Variants in NBAS observed in about 807,000 individuals in gnomAD.
The protein encoded by NBAS is NAG/BC035112 fusion.
In NBAS, 219 loss-of-function variants were observed where a neutral mutation model predicts 302.5. That is an observed-to-expected ratio of 0.72 (90% CI 0.65 to 0.81). The LOEUF is 0.81. Among genes scored for constraint, NBAS ranks in the 30% least tolerant of loss-of-function variants. NBAS has a pLI of 0.00. For synonymous variants in NBAS, 1,118 were observed against 1,021.6 expected (o/e 1.09, Z -1.80); for missense variants, 2,932 against 2,841.6 (o/e 1.03, Z -0.72).
chr2:14,920,903 CT>C, the NBAS span, among the ~76,000 whole-genome samples: 325 of 144,508 alleles, frequency 2.2e-3, no homozygotes, highest in Middle Eastern at 7.4e-3. Context: ...GGCTGTTTCA[CT>C]TTTTTTTTTT....
chr2:15,495,850 G>T (rs959007695), intron 11 of NBAS, among the ~76,000 whole-genome samples: 2 of 152,122 alleles, frequency 1.3e-5, no homozygotes, highest in African/African-American at 4.8e-5. Context: ...ACAGAAAATG[G>T]TGCCGCCACC....
At chr2:14,868,720 T>G in the NBAS span, among the ~76,000 whole-genome samples, 1 of 152,242 alleles carries the variant, frequency 6.6e-6, no homozygotes, top group African/African-American at 2.4e-5. Context: ...TAGACTGTCT[T>G]GTGTAATCAA....
chr2:15,083,105 A>G, the NBAS span, among the ~76,000 whole-genome samples: 1 of 152,206 alleles, frequency 6.6e-6, no homozygotes, highest in Non-Finnish European at 1.5e-5. Flanking sequence ...GGATGGAGCA[A>G]AAGTGTGGGA....
At chr2:14,965,340 A>G in the NBAS span, among the ~76,000 whole-genome samples, 2 of 152,194 alleles carry the variant, frequency 1.3e-5, no homozygotes, top group Non-Finnish European at 2.9e-5. Context: ...ACAAATATTA[A>G]GAATTATTAT....
chr2:14,989,683 G>A, the NBAS span, among the ~76,000 whole-genome samples: 1 of 152,158 alleles, frequency 6.6e-6, no homozygotes, highest in Admixed American at 6.5e-5. Context: ...TTGACCCAAA[G>A]AGACAAACTT....
chr2:15,303,720 A>G (rs1484493683), intron 40 of NBAS, among the ~76,000 whole-genome samples: 1 of 152,246 alleles, frequency 6.6e-6, no homozygotes, highest in African/African-American at 2.4e-5. Context: ...GTAATTTACT[A>G]TCAGGGAAAA....
At chr2:15,108,084 C>G in the NBAS span, among the ~76,000 whole-genome samples, 1 of 128,030 alleles carries the variant, frequency 7.8e-6, no homozygotes, top group Admixed American at 7.1e-5. Flanking sequence ...ATCCATTCAC[C>G]TGTTGATGCA....
chr2:15,220,183 C>T (rs868055732), intron 47 of NBAS, among the ~76,000 whole-genome samples: 1 of 130,610 alleles, frequency 7.7e-6, no homozygotes, highest in African/African-American at 2.9e-5. Context: ...GGGGGGCTGA[C>T]CCCCCCACCT....
At chr2:15,034,011 A>AG in the NBAS span, among the ~76,000 whole-genome samples, 2 of 47,114 alleles carry the variant, frequency 4.2e-5, no homozygotes, top group African/African-American at 3.2e-4. Context: ...AAGAAGAAGA[A>AG]GAAGAAGAAG....
At chr2:15,397,711 C>A in intron 26 of NBAS, 1 of 428,108 alleles carries the variant, frequency 2.3e-6, no homozygotes, top group Admixed American at 2.8e-5. Context: ...GGGCACAGTT[C>A]ATGCAGTGAA....
At chr2:14,877,781 G>A in the NBAS span, among the ~76,000 whole-genome samples, 1 of 152,152 alleles carries the variant, frequency 6.6e-6, no homozygotes, top group Non-Finnish European at 1.5e-5. Context: ...TTAAGTCCTG[G>A]ACTTAATCCT....
the NBAS span, among the ~76,000 whole-genome samples, chr2:15,049,341 G>A: frequency 6.6e-6 from 1 of 152,190 alleles, no homozygotes; most frequent in Non-Finnish European, 1.5e-5. Flanking sequence ...CACCTGCTGG[G>A]CTGCCTCCTC....
At chr2:14,974,355 G>A in the NBAS span, among the ~76,000 whole-genome samples, 1 of 152,228 alleles carries the variant, frequency 6.6e-6, no homozygotes, top group East Asian at 1.9e-4. Context: ...CAGGTATAGA[G>A]TGGGATCTTT....
chr2:15,339,980 T>TGG (rs1672772338), intron 35 of NBAS, among the ~76,000 whole-genome samples: 1 of 151,128 alleles, frequency 6.6e-6, no homozygotes, highest in South Asian at 2.1e-4. Context: ...ATGTGTATAT[T>TGG]GGGGGCAGGG....
the NBAS span, among the ~76,000 whole-genome samples, chr2:14,797,094 C>CAAAA: frequency 1.1e-5 from 1 of 91,168 alleles, no homozygotes; most frequent in African/African-American, 3.9e-5. Flanking sequence ...GACTCCGTCT[C>CAAAA]AAAAAAAAAA....
intron 50 of NBAS, chr2:15,180,076 C>T (rs1664749826): frequency 6.6e-6 from 1 of 152,168 alleles, no homozygotes; most frequent in Non-Finnish European, 1.5e-5. Flanking sequence ...ATTTTTCTCT[C>T]GTGCCATTCA....
chr2:15,458,210 T>C (rs1679337088), intron 21 of NBAS, among the ~76,000 whole-genome samples: 3 of 152,128 alleles, frequency 2.0e-5, no homozygotes, highest in Admixed American at 2.0e-4. Flanking sequence ...TGTTACATTA[T>C]GAAAATAAAG....
chr2:14,977,554 A>G, the NBAS span, among the ~76,000 whole-genome samples: 1 of 152,240 alleles, frequency 6.6e-6, no homozygotes, highest in Non-Finnish European at 1.5e-5. Context: ...TCTGAACTGT[A>G]CAGCATCACA....
At chr2:15,089,275 C>T in the NBAS span, among the ~76,000 whole-genome samples, 7 of 152,142 alleles carry the variant, frequency 4.6e-5, no homozygotes, top group Non-Finnish European at 8.8e-5. Flanking sequence ...GCCACCGCAC[C>T]TAGCCCCCTT....
Sources: allele counts gnomAD v4.1 joint callset (sites outside exome capture counted in the v4.1 genomes callset), GRCh38; gene constraint gnomAD v4.1.1; transcripts MANE v1.5; gene names NCBI Gene and HGNC (gene_info 2026-07-23, HGNC 2026-07-21).